Variants in RORA observed in about 807,000 individuals in gnomAD.
RORA encodes RAR related orphan receptor A.
RORA carries 7 observed loss-of-function variants against 69.5 expected under a neutral mutation model. That is an observed-to-expected ratio of 0.10 (90% CI 0.06 to 0.19). The LOEUF (loss-of-function observed/expected upper bound fraction) is 0.19. Among genes scored for constraint, RORA ranks in the 10% least tolerant of loss-of-function variants. The probability of loss-of-function intolerance (pLI) is 1.00; values close to 1 mark genes in which losing one functional copy is unlikely to be tolerated. For synonymous variants in RORA, 261 were observed against 240.8 expected, an observed-to-expected ratio of 1.08 and a Z score of -0.78; for missense variants, 457 against 663.0, an observed-to-expected ratio of 0.69 and a Z score of 3.41.
At chr15:61,041,728 T>C (rs1042685636) in intron 1 of RORA, among the ~76,000 whole-genome samples, 3 of 152,206 alleles carry the variant, frequency 2.0e-5, no homozygotes, top group African/African-American at 7.2e-5. Context: ...CCAGCTAGTA[T>C]GTTCATTTTA....
chr15:61,125,048 T>C (rs1254657789), intron 1 of RORA, among the ~76,000 whole-genome samples: 1 of 152,246 alleles, frequency 6.6e-6, no homozygotes, highest in African/African-American at 2.4e-5. Context: ...TTTTCAAATT[T>C]AAAAATGTTC....
At chr15:60,748,142 A>G (rs2071674260) in intron 1 of RORA, among the ~76,000 whole-genome samples, 1 of 152,204 alleles carries the variant, frequency 6.6e-6, no homozygotes, top group Non-Finnish European at 1.5e-5. Flanking sequence ...AAATAAGATG[A>G]AAAGATTTGC....
chr15:60,752,325 G>C (rs2071735600), intron 1 of RORA, among the ~76,000 whole-genome samples: 1 of 152,070 alleles, frequency 6.6e-6, no homozygotes, highest in South Asian at 2.1e-4. Context: ...TTTCCTTCTG[G>C]CTGATGCATC....
At chr15:61,009,288 T>C (rs563227021) in intron 1 of RORA, among the ~76,000 whole-genome samples, 3 of 152,266 alleles carry the variant, frequency 2.0e-5, no homozygotes, top group East Asian at 1.9e-4. Context: ...TTTATTAAGA[T>C]AGAGTAAAAA....
intron 3 of RORA, among the ~76,000 whole-genome samples, chr15:60,521,247 AT>A (rs34311504): frequency 5.7e-4 from 83 of 144,986 alleles, no homozygotes; most frequent in Admixed American, 4.8e-4. Context: ...AAAAATTGTC[AT>A]TTTTTTTTTT....
At chr15:61,016,993 A>G (rs1566945035) in intron 1 of RORA, among the ~76,000 whole-genome samples, 1 of 152,234 alleles carries the variant, frequency 6.6e-6, no homozygotes, top group Non-Finnish European at 1.5e-5. Context: ...ACTTTCCTAT[A>G]AAACATATCA....
intron 1 of RORA, among the ~76,000 whole-genome samples, chr15:61,202,963 C>A (rs982305284): frequency 1.1e-4 from 17 of 151,908 alleles, no homozygotes; most frequent in African/African-American, 4.1e-4. Flanking sequence ...ATTTTACAGT[C>A]AAAAATTACA....
chr15:60,978,119 TTTC>T (rs2140357628), intron 1 of RORA, among the ~76,000 whole-genome samples: 1 of 106,342 alleles, frequency 9.4e-6, no homozygotes, highest in African/African-American at 3.3e-5. Context: ...TTCTTCAATC[TTTC>T]TTATTTTCTT....
At chr15:60,780,067 G>T (rs780139374) in intron 1 of RORA, among the ~76,000 whole-genome samples, 1 of 152,180 alleles carries the variant, frequency 6.6e-6, no homozygotes, top group Non-Finnish European at 1.5e-5. Context: ...TGTCTGTTAG[G>T]TGGGGAGAGG....
At chr15:61,218,859 C>T (rs923301603) in intron 1 of RORA, among the ~76,000 whole-genome samples, 1 of 152,114 alleles carries the variant, frequency 6.6e-6, no homozygotes, top group African/African-American at 2.4e-5. Context: ...ATATTCCATT[C>T]ACAGACTTGA....
chr15:60,961,719 C>T lies in RORA; in HGVS notation c.166+267334G>A, dbSNP rs116116367. Among the ~76,000 whole-genome samples the T allele has an allele frequency of 4.9e-3, 744 of 152,266 alleles. 5 individuals are homozygous for T. The highest frequency in any genetic ancestry group is 0.017 in the African/African-American group (719 of 41,544). On this transcript the variant is annotated intron_variant, in intron 1 of 10. Coordinates refer to ENST00000335670, the MANE Select transcript of RORA (RefSeq NM_134261.3). ...CACCGATATATGTTGTCGACCTGGCCGGCCTCCAGGAGCACTGAGAACCGC... is the reference window on the plus strand; with the variant it reads ...CACCGATATATGTTGTCGACCTGGCTGGCCTCCAGGAGCACTGAGAACCGC...
At chr15:60,722,229 T>C (rs956093729) in intron 1 of RORA, among the ~76,000 whole-genome samples, 4 of 152,270 alleles carry the variant, frequency 2.6e-5, no homozygotes, top group Admixed American at 2.6e-4. Flanking sequence ...TGTCAACATA[T>C]GGTACATCAT....
At chr15:60,652,554 A>T (rs1475763994) in intron 2 of RORA, among the ~76,000 whole-genome samples, 1 of 152,214 alleles carries the variant, frequency 6.6e-6, no homozygotes, top group Non-Finnish European at 1.5e-5. Context: ...CCATGGTTCT[A>T]TGATTTGCAT....
At chr15:60,743,216 T>C (rs915001216) in intron 1 of RORA, among the ~76,000 whole-genome samples, 1 of 151,982 alleles carries the variant, frequency 6.6e-6, no homozygotes, top group Non-Finnish European at 1.5e-5. Context: ...CATTTTGCCA[T>C]GTTGACCAGG....
chr15:60,960,153 A>T (rs1207917405), intron 1 of RORA, among the ~76,000 whole-genome samples: 1 of 152,138 alleles, frequency 6.6e-6, no homozygotes, highest in East Asian at 1.9e-4. Context: ...CCTCCCTCTC[A>T]TTGCTACAAA....
intron 1 of RORA, among the ~76,000 whole-genome samples, chr15:60,812,119 C>T (rs898797837): frequency 2.0e-5 from 3 of 152,108 alleles, no homozygotes; most frequent in Admixed American, 2.0e-4. Flanking sequence ...TTTGTTTGAC[C>T]CCAGAAAATC....
chr15:60,948,293 A>G (rs1174004790), intron 1 of RORA, among the ~76,000 whole-genome samples: 3 of 152,212 alleles, frequency 2.0e-5, no homozygotes. Flanking sequence ...AAATTGGATG[A>G]AAAAATGTCT....
chr15:60,534,017 C>T lies in RORA; in HGVS notation c.197-2166G>A, dbSNP rs1275199091. On this transcript the variant is annotated intron_variant, in intron 2 of 10. Transcript: ENST00000335670. This position sits in a 1 kb window ranked among gnomAD's most constrained non-coding sequence, Gnocchi z 5.0. ...TCAAGCATGTCTATTTAGTCCTTTACAAGAATATGAAGGCCCTGGGCAGGG... is the reference window on the plus strand; with the variant it reads ...TCAAGCATGTCTATTTAGTCCTTTATAAGAATATGAAGGCCCTGGGCAGGG... 6.6e-6 allele frequency among the ~76,000 whole-genome samples: 1 copy of T among 152,162 alleles called. No individual in the cohort carries two copies. The highest frequency in any genetic ancestry group is 2.4e-5 in the African/African-American group (1 of 41,440).
At chr15:60,792,845 G>A (rs1360067525) in intron 1 of RORA, among the ~76,000 whole-genome samples, 1 of 152,152 alleles carries the variant, frequency 6.6e-6, no homozygotes. Flanking sequence ...GAGGATCACT[G>A]GAAATGTTTT....
Sources: gnomAD v4.1 joint callset for allele counts (sites outside exome capture counted in the v4.1 genomes callset) on GRCh38, gnomAD v4.1.1 for gene constraint, Gnocchi (gnomAD v3.1) non-coding constraint, MANE v1.5 for transcripts, NCBI Gene and HGNC (gene_info 2026-07-23, HGNC 2026-07-21) for gene names.